The following NCOR1 variants were observed in gnomAD, a reference collection of about 807,000 sequenced individuals.
The protein encoded by NCOR1 is protein phosphatase 1, regulatory subunit 109.
In NCOR1, 63 loss-of-function variants were observed where a neutral mutation model predicts 288.1. That is an observed-to-expected ratio of 0.22 (90% CI 0.18 to 0.27). The LOEUF (loss-of-function observed/expected upper bound fraction) is 0.27, where lower values mean the gene tolerates loss of function less well. Ranked by LOEUF, NCOR1 falls within the 10% of genes least tolerant of loss-of-function variation. The pLI, the probability that NCOR1 is intolerant of heterozygous loss-of-function variation, is 1.00. For synonymous variants in NCOR1, 1,007 were observed against 1,065.9 expected (o/e 0.94, Z 1.08); for missense variants, 2,397 against 3,019.2 (o/e 0.79, Z 4.83).
In NCOR1 at chr17:16,121,416, C is replaced by T. The variant is rs369514144; in HGVS notation, c.1635-147G>A. ...AAAAAAAAATTATCAACAATTCTGCCATACCATAGTTTTTAAAAGTTTTGA... is the reference window on the plus strand; with the variant it reads ...AAAAAAAAATTATCAACAATTCTGCTATACCATAGTTTTTAAAAGTTTTGA... On this transcript the variant is annotated intron_variant, in intron 15 of 45. Coordinates refer to ENST00000268712, the MANE Select transcript of NCOR1 (RefSeq NM_006311.4). 339 of 653,902 alleles carry T rather than the reference C, an allele frequency of 5.2e-4. 6 individuals carry two copies. In the East Asian group the frequency reaches 8.7e-3, roughly 17 times the overall value. 40.5% of individuals were successfully genotyped at this position (653,902 alleles called of 1,614,324 possible). A position where few individuals can be genotyped will look rare whatever the true frequency, so the allele number is the denominator to read the frequency against.
In NCOR1 at chr17:16,215,464, GTCGGAC is replaced by G; in HGVS notation, c.-179_-174del. ...ACCGGGACCTCGTTCGGCGCGGCGAGTCGGACGCTCACTCCAGCCGCCGCCGCCGCC... is the reference window on the plus strand; with the variant it reads ...ACCGGGACCTCGTTCGGCGCGGCGAGGCTCACTCCAGCCGCCGCCGCCGCC... On this transcript the variant is annotated 5_prime_UTR_variant, in exon 1 of 46. Coordinates refer to ENST00000268712, the MANE Select transcript of NCOR1 (RefSeq NM_006311.4). 1 of 397,984 alleles carries G rather than the reference GTCGGAC, an allele frequency of 2.5e-6. No individual in the cohort carries two copies. The highest frequency in any genetic ancestry group is 4.4e-6 in the Non-Finnish European group (1 of 225,676). The allele number at this position is 397,984 out of a possible 1,614,324, so 24.7% of individuals were successfully genotyped here.
intron 3 of NCOR1, among the ~76,000 whole-genome samples, chr17:16,184,529 T>C (rs2086201591): frequency 1.3e-5 from 2 of 152,056 alleles, no homozygotes; most frequent in Admixed American, 1.3e-4. Context: ...TCACACCCAT[T>C]AGGATGCCTA....
intron 27 of NCOR1, among the ~76,000 whole-genome samples, chr17:16,074,554 G>A (rs1265991082): frequency 2.6e-5 from 4 of 152,140 alleles, no homozygotes; most frequent in African/African-American, 9.7e-5. Flanking sequence ...GTAAAGGAGA[G>A]TGAAATAAGA....
At chr17:16,207,649 G>A (rs950216920) in intron 1 of NCOR1, among the ~76,000 whole-genome samples, 4 of 151,154 alleles carry the variant, frequency 2.6e-5, no homozygotes, top group African/African-American at 9.7e-5. Context: ...GCTGAGGCAG[G>A]AGAATGGTGT....
chr17:16,154,692 C>T (rs1161728391), intron 6 of NCOR1, among the ~76,000 whole-genome samples: 2 of 152,124 alleles, frequency 1.3e-5, no homozygotes, highest in African/African-American at 4.8e-5. Context: ...TTCGGCTATT[C>T]TGTATAAAGT....
intron 10 of NCOR1, among the ~76,000 whole-genome samples, chr17:16,144,426 T>C (rs1029887811): frequency 2.6e-5 from 4 of 152,296 alleles, no homozygotes; most frequent in Middle Eastern, 3.4e-3. Flanking sequence ...ATAATAAAGT[T>C]TTCTTTTCAA....
chr17:16,069,809 C>T (rs2061539024), intron 31 of NCOR1, among the ~76,000 whole-genome samples: 1 of 152,174 alleles, frequency 6.6e-6, no homozygotes, highest in Non-Finnish European at 1.5e-5. Flanking sequence ...CTTATGCAGT[C>T]TTGTTCCAGA....
chr17:16,185,782 A>G (rs893617624), intron 3 of NCOR1, among the ~76,000 whole-genome samples: 16 of 151,544 alleles, frequency 1.1e-4, no homozygotes, highest in South Asian at 2.1e-4. Flanking sequence ...CCTGGGCAAC[A>G]TGGCGAAATC....
intron 42 of NCOR1, among the ~76,000 whole-genome samples, chr17:16,045,382 T>C (rs754321189): frequency 6.6e-6 from 1 of 152,202 alleles, no homozygotes; most frequent in Non-Finnish European, 1.5e-5. Context: ...TGGAGATAAT[T>C]GTAATATGTA....
intron 40 of NCOR1, among the ~76,000 whole-genome samples, chr17:16,051,086 G>T (rs925037654): frequency 6.6e-6 from 1 of 152,078 alleles, no homozygotes; most frequent in Non-Finnish European, 1.5e-5. Flanking sequence ...CGATCCTCTC[G>T]CCTTGGTCTC....
chr17:16,182,711 C>CA (rs1445502560), intron 3 of NCOR1, among the ~76,000 whole-genome samples: 1 of 152,160 alleles, frequency 6.6e-6, no homozygotes, highest in Admixed American at 6.5e-5. Context: ...CTTGGCCTCC[C>CA]AAAGTGCTGG....
At chr17:16,085,429 G>C (rs77890400) in intron 23 of NCOR1, among the ~76,000 whole-genome samples, 8,681 of 152,220 alleles carry the variant, frequency 0.057, 342 homozygotes, top group African/African-American at 0.12. Context: ...CCCATTACAA[G>C]AATGACCAGC....
rs543580996 is a variant in NCOR1, at chr17:16,159,991, G to A, written c.619-1118C>T. 5.3e-5 allele frequency among the ~76,000 whole-genome samples: 8 copies of A among 151,976 alleles called. No individual in the cohort carries two copies. The East Asian group carries it at 1.2e-3, about 22-fold the overall frequency. On this transcript the variant is annotated intron_variant, in intron 5 of 45. Transcript: ENST00000268712. ...ATTACAGGCGGCCACCACCATGCCCGGCTAATTTCTGTATTTTTTTAGTAG... is the reference window on the plus strand; with the variant it reads ...ATTACAGGCGGCCACCACCATGCCCAGCTAATTTCTGTATTTTTTTAGTAG...
In NCOR1 at chr17:16,171,965, C is replaced by T. The variant is rs776645423; in HGVS notation, c.273G>A (p.Pro91=). 10 of 1,592,626 alleles carry T rather than the reference C, an allele frequency of 6.3e-6. No homozygotes were observed. Among genetic ancestry groups the T allele is most frequent in the Middle Eastern group, 3.3e-4 (2 of 5,976 alleles). ...RPQERRTSYE[P]FHPGPSPVDH... is the part of the protein sequence containing the mutation. ...CCACTGGGGATGGGCCTGGATGAAA[C>T]GGTTCATAACTAGTTCTCCTTTCTT... The change falls in exon 4 of 46, where the codon CCG becomes CCA. Residue 91 remains proline (P), a synonymous_variant. Transcript: ENST00000268712.
chr17:16,205,671 C>T (rs1387463269), intron 1 of NCOR1, among the ~76,000 whole-genome samples: 3 of 130,332 alleles, frequency 2.3e-5, no homozygotes, highest in Non-Finnish European at 4.9e-5. Context: ...GGCGCAGTGG[C>T]TCATGCCTGT....
chr17:16,097,659 T>G (rs1313966593), intron 21 of NCOR1, among the ~76,000 whole-genome samples: 2 of 152,212 alleles, frequency 1.3e-5, no homozygotes, highest in African/African-American at 4.8e-5. Flanking sequence ...CTCTTCCATT[T>G]GGCTGTTTCT....
chr17:16,043,481 A>T (rs2058106006), intron 42 of NCOR1, among the ~76,000 whole-genome samples: 1 of 152,226 alleles, frequency 6.6e-6, no homozygotes, highest in African/African-American at 2.4e-5. Flanking sequence ...TGTTAAAGTT[A>T]GGTACTTGTT....
In NCOR1 at chr17:16,063,287, A is replaced by T. The variant is rs541375365; in HGVS notation, c.5221+781T>A. 2.0e-5 allele frequency among the ~76,000 whole-genome samples: 3 copies of T among 152,170 alleles called. No homozygotes were observed. In the East Asian group the frequency reaches 5.8e-4, roughly 29 times the overall value. The stretch of plus-strand genomic sequence containing the variant: ...CTCAAACTCCTGGCTTCAAGGGATC[A>T]TCCTACTTCATCCTCCTGAGTAGCT... On this transcript the variant is annotated intron_variant, in intron 35 of 45. Transcript: ENST00000268712.
chr17:16,040,673 C>T, intron 42 of NCOR1, 179 bp from the exon 43 acceptor site: 1 of 636,638 alleles, frequency 1.6e-6, no homozygotes, highest in South Asian at 1.6e-5. Context: ...GACAGGGTCT[C>T]ACTCTGTTGC....
Sources: allele counts gnomAD v4.1 joint callset (sites outside exome capture counted in the v4.1 genomes callset), GRCh38; gene constraint gnomAD v4.1.1; transcripts MANE v1.5; gene names NCBI Gene and HGNC (gene_info 2026-07-23, HGNC 2026-07-21).